Variants in NR2F1-AS1 observed in about 807,000 individuals in gnomAD.
The protein encoded by NR2F1-AS1 is NR2F1 regulatory antisense RNA 1.
intron 4 of NR2F1-AS1, among the ~76,000 whole-genome samples, chr5:93,417,694 C>T (rs1040655339): frequency 1.3e-5 from 2 of 152,190 alleles, no homozygotes; most frequent in African/African-American, 4.8e-5. Context: ...GTGGTCATTC[C>T]TAGCTGTTGA....
chr5:93,444,494 C>A (rs1228219775), intron 4 of NR2F1-AS1, among the ~76,000 whole-genome samples: 19 of 152,078 alleles, frequency 1.2e-4, no homozygotes, highest in Non-Finnish European at 1.5e-4. Flanking sequence ...CGACAAGAAG[C>A]GCTAACTATC....
At chr5:93,460,213 T>A (rs1300881559) in intron 4 of NR2F1-AS1, among the ~76,000 whole-genome samples, 1 of 151,998 alleles carries the variant, frequency 6.6e-6, no homozygotes, top group Non-Finnish European at 1.5e-5. Context: ...AACAGAGAAA[T>A]CTGTGTCCCA....
chr5:93,571,533 T>A (rs971039456), intron 1 of NR2F1-AS1, among the ~76,000 whole-genome samples: 3 of 151,424 alleles, frequency 2.0e-5, no homozygotes, highest in African/African-American at 7.3e-5. Flanking sequence ...CAATTGCATT[T>A]CTTTAAGTCC....
chr5:93,551,549 A>G (rs952101983), intron 4 of NR2F1-AS1, among the ~76,000 whole-genome samples: 4 of 152,108 alleles, frequency 2.6e-5, no homozygotes, highest in African/African-American at 9.7e-5. Flanking sequence ...AATATTGGCC[A>G]TTATAAGCTT....
At chr5:93,424,376 TCTC>T (rs570338874) in intron 4 of NR2F1-AS1, among the ~76,000 whole-genome samples, 239 of 151,840 alleles carry the variant, frequency 1.6e-3, no homozygotes, top group Non-Finnish European at 2.6e-3. Context: ...TATATTTTTC[TCTC>T]CTTTTTCTTA....
intron 4 of NR2F1-AS1, among the ~76,000 whole-genome samples, chr5:93,546,847 C>G (rs913726932): frequency 1.3e-5 from 2 of 152,314 alleles, no homozygotes; most frequent in South Asian, 2.1e-4. Context: ...TAATCAAACA[C>G]TAACCTAGAT....
chr5:93,492,030 A>C (rs1750860371), intron 4 of NR2F1-AS1, among the ~76,000 whole-genome samples: 1 of 152,184 alleles, frequency 6.6e-6, no homozygotes. Context: ...TGACTAATAC[A>C]TCAACTAAAC....
chr5:93,430,609 A>G (rs1204773102), intron 4 of NR2F1-AS1, among the ~76,000 whole-genome samples: 1 of 152,220 alleles, frequency 6.6e-6, no homozygotes, highest in Admixed American at 6.5e-5. Flanking sequence ...ATTATCTGTT[A>G]GGAATGTAAA....
intron 4 of NR2F1-AS1, among the ~76,000 whole-genome samples, chr5:93,417,769 A>G (rs1026083763): frequency 3.0e-4 from 46 of 152,192 alleles, no homozygotes; most frequent in Non-Finnish European, 8.8e-5. Context: ...TAGGTACACA[A>G]TGAGTGGGAA....
At chr5:93,496,195 AAAC>A (rs1203844260) in intron 4 of NR2F1-AS1, 1 of 152,300 alleles carries the variant, frequency 6.6e-6, no homozygotes, top group Non-Finnish European at 1.5e-5. Context: ...AATAAACAAA[AAAC>A]CCACATTTCA....
chr5:93,427,713 A>G (rs1348598867), intron 4 of NR2F1-AS1, among the ~76,000 whole-genome samples: 3 of 152,194 alleles, frequency 2.0e-5, no homozygotes, highest in Non-Finnish European at 4.4e-5. Context: ...TAGAGATCCT[A>G]AAGACTGAAA....
At chr5:93,424,553 A>G (rs567386378) in intron 4 of NR2F1-AS1, among the ~76,000 whole-genome samples, 1 of 152,074 alleles carries the variant, frequency 6.6e-6, no homozygotes, top group East Asian at 1.9e-4. Flanking sequence ...ACCATTTACT[A>G]TATCCCACTT....
At chr5:93,474,830 A>T (rs972461096) in intron 4 of NR2F1-AS1, among the ~76,000 whole-genome samples, 1 of 152,202 alleles carries the variant, frequency 6.6e-6, no homozygotes, top group Non-Finnish European at 1.5e-5. Context: ...GTCTATAGCA[A>T]AGATGATTTC....
intron 4 of NR2F1-AS1, among the ~76,000 whole-genome samples, chr5:93,535,423 C>T (rs559986259): frequency 1.5e-4 from 22 of 150,882 alleles, no homozygotes; most frequent in Non-Finnish European, 2.8e-4. Context: ...CTACAATAAA[C>T]GGAAAAATTT....
intron 2 of NR2F1-AS1, among the ~76,000 whole-genome samples, chr5:93,559,930 T>C (rs1459501635): frequency 6.6e-6 from 1 of 152,188 alleles, no homozygotes; most frequent in Non-Finnish European, 1.5e-5. Flanking sequence ...AAGTGACACA[T>C]ACTGTTGAAA....
intron 4 of NR2F1-AS1, among the ~76,000 whole-genome samples, chr5:93,449,221 G>T (rs1049357553): frequency 1.3e-5 from 2 of 151,906 alleles, no homozygotes; most frequent in African/African-American, 2.4e-5. Context: ...TTTACCCAGG[G>T]CTCTTAAAAA....
At chr5:93,486,894 C>A (rs1199890541) in intron 4 of NR2F1-AS1, among the ~76,000 whole-genome samples, 1 of 152,136 alleles carries the variant, frequency 6.6e-6, no homozygotes, top group Non-Finnish European at 1.5e-5. Context: ...AAAAGCTTAT[C>A]CACCACAATA....
intron 4 of NR2F1-AS1, among the ~76,000 whole-genome samples, chr5:93,481,531 A>T (rs1172011818): frequency 6.6e-6 from 1 of 152,124 alleles, no homozygotes; most frequent in East Asian, 1.9e-4. Flanking sequence ...GAAATAGACA[A>T]TTTGAACAAC....
intron 2 of NR2F1-AS1, among the ~76,000 whole-genome samples, chr5:93,556,314 G>A (rs1299923956): frequency 3.9e-5 from 6 of 152,148 alleles, no homozygotes; most frequent in African/African-American, 1.4e-4. Flanking sequence ...GAACAGACTA[G>A]TGCAAGTCAG....
Sources: gnomAD v4.1 joint callset for allele counts (sites outside exome capture counted in the v4.1 genomes callset) on GRCh38, gnomAD v4.1.1 for gene constraint, MANE v1.5 for transcripts, NCBI Gene and HGNC (gene_info 2026-07-23, HGNC 2026-07-21) for gene names.